ARHGEF10L: variants seen among roughly 807,000 people sequenced by gnomAD.
The protein encoded by ARHGEF10L is rho guanine nucleotide exchange factor 10-like protein.
In ARHGEF10L, 69 loss-of-function variants were observed where a neutral mutation model predicts 141.2. The observed-to-expected ratio is 0.49, with a 90% CI of 0.40 to 0.60. The LOEUF is 0.60. Among genes scored for constraint, ARHGEF10L ranks in the 20% least tolerant of loss-of-function variants. The pLI is 0.00. For missense variants in ARHGEF10L, 1,482 were observed against 1,734.3 expected (o/e 0.85, Z 2.58); for synonymous variants, 711 against 718.5 (o/e 0.99, Z 0.17).
At chr1:17,611,281 A>G (rs1013696139) in intron 7 of ARHGEF10L, among the ~76,000 whole-genome samples, 21 of 152,296 alleles carry the variant, frequency 1.4e-4, no homozygotes, top group African/African-American at 5.1e-4. Flanking sequence ...CAAACTCCTC[A>G]GTTTTTTGGG....
chr1:17,673,823 G>A lies in ARHGEF10L; in HGVS notation c.3009+9228G>A, dbSNP rs551736256. On this transcript the variant is annotated intron_variant, in intron 26 of 28. Transcript: ENST00000361221. This position sits in a 1 kb window ranked among gnomAD's most constrained non-coding sequence, Gnocchi z 4.1. ...ACCTGCCCCAGGACTAAGCAGCTCC[G>A]TGTACATGCAGGTCCCAGGGCTGTG... Among the ~76,000 whole-genome samples, 64 of 152,306 alleles carry A rather than the reference G, an allele frequency of 4.2e-4. No individual in the cohort carries two copies. Among genetic ancestry groups the A allele is most frequent in the African/African-American group, 1.5e-3 (61 of 41,546 alleles).
At chr1:17,543,594 A>T (rs1021584942) in intron 1 of ARHGEF10L, among the ~76,000 whole-genome samples, 115 of 151,804 alleles carry the variant, frequency 7.6e-4, no homozygotes, top group South Asian at 1.3e-3. Flanking sequence ...AAAAAAAAAA[A>T]TTTTTTTTGA....
At position 17,601,049 on chromosome 1, in the gene ARHGEF10L, C is replaced by CAA. The variant is rs55806926; in HGVS notation, c.258-1060_258-1059dup. ...TGGGCGACAGAGCGAGGCTCTGTCT[C>CAA]AAAAAAAAAAAAAAAAAAACAAAAA... On this transcript the variant is annotated intron_variant, in intron 4 of 28. Coordinates refer to ENST00000361221, the MANE Select transcript of ARHGEF10L (RefSeq NM_018125.4). Among the ~76,000 whole-genome samples, 137 of 50,998 alleles carry CAA rather than the reference C, an allele frequency of 2.7e-3. 1 individual carries two copies. Among genetic ancestry groups the CAA allele is most frequent in the African/African-American group, 5.7e-3 (87 of 15,290 alleles). 33.5% of individuals were successfully genotyped at this position (50,998 alleles called of 152,430 possible).
chr1:17,515,115 A>G, the ARHGEF10L span, among the ~76,000 whole-genome samples: 1 of 152,150 alleles, frequency 6.6e-6, no homozygotes, highest in Middle Eastern at 3.4e-3. Context: ...ATCACATGAA[A>G]TTGGTGGTTG....
chr1:17,594,539 G>A (rs1396934102), intron 4 of ARHGEF10L, among the ~76,000 whole-genome samples: 6 of 152,070 alleles, frequency 3.9e-5, no homozygotes, highest in South Asian at 2.1e-4. Context: ...GTGCAGTGGC[G>A]TGATCTTGGC....
chr1:17,668,600 G>A (rs1396426214), intron 26 of ARHGEF10L, among the ~76,000 whole-genome samples: 3 of 152,210 alleles, frequency 2.0e-5, no homozygotes, highest in Non-Finnish European at 2.9e-5. Flanking sequence ...GCACACCTCG[G>A]GGGCATCAGG....
At chr1:17,577,640 A>G (rs1361555611) in intron 1 of ARHGEF10L, among the ~76,000 whole-genome samples, 4 of 152,344 alleles carry the variant, frequency 2.6e-5, no homozygotes, top group African/African-American at 9.6e-5. Context: ...CCGACACTTC[A>G]GAGCCCCGCA....
chr1:17,532,252 C>G, the ARHGEF10L span, among the ~76,000 whole-genome samples: 11 of 152,278 alleles, frequency 7.2e-5, no homozygotes, highest in East Asian at 1.4e-3. Context: ...AGCTGACCAG[C>G]AACTCTTATG....
At chr1:17,622,001 T>G (rs1570997936) in intron 11 of ARHGEF10L, 60 bp downstream of exon 11, 1 of 1,577,034 alleles carries the variant, frequency 6.3e-7, no homozygotes, top group Middle Eastern at 1.7e-4. Flanking sequence ...CCCTGGAGGG[T>G]AACTTTATAC....
chr1:17,603,885 AC>A lies in ARHGEF10L; in HGVS notation c.433+298del, dbSNP rs2080932936. 6.6e-6 allele frequency among the ~76,000 whole-genome samples: 1 copy of A among 152,160 alleles called. No individual in the cohort carries two copies. The highest frequency in any genetic ancestry group is 6.5e-5 in the Admixed American group (1 of 15,286). On this transcript the variant is annotated intron_variant, in intron 6 of 28. Transcript: ENST00000361221. The surrounding 1 kb of genome is among the most constrained non-coding windows in gnomAD (Gnocchi z 4.8). ...TCCTCCTTCAGGAAAATGGGGCCAT[AC>A]CCCAGGCTTTCTGGGGCTGTTGGGG...
intron 26 of ARHGEF10L, among the ~76,000 whole-genome samples, chr1:17,682,008 G>A (rs1027245933): frequency 1.1e-4 from 16 of 151,492 alleles, no homozygotes; most frequent in Non-Finnish European, 1.9e-4. Context: ...AAAATCCAGC[G>A]TGCTCTAATC....
intron 18 of ARHGEF10L, 109 bp downstream of exon 18, chr1:17,635,125 C>CT: frequency 7.4e-7 from 1 of 1,343,150 alleles, no homozygotes; most frequent in Non-Finnish European, 1.0e-6. Flanking sequence ...CCTACATAGG[C>CT]TGATGGGTGG....
intron 4 of ARHGEF10L, among the ~76,000 whole-genome samples, chr1:17,589,931 T>C (rs994090902): frequency 6.6e-6 from 1 of 151,924 alleles, no homozygotes; most frequent in African/African-American, 2.4e-5. Flanking sequence ...AGGTCCTGGC[T>C]CAGCGAGTGA....
At chr1:17,643,852 G>A (rs1181982369) in intron 21 of ARHGEF10L, among the ~76,000 whole-genome samples, 3 of 152,290 alleles carry the variant, frequency 2.0e-5, no homozygotes, top group South Asian at 4.2e-4. Context: ...GGTCACACGC[G>A]ATTTAGTACA....
chr1:17,697,218 C>T lies in ARHGEF10L; in HGVS notation c.3678C>T (p.Cys1226=), dbSNP rs756115535. 42 of 1,611,956 alleles carry T rather than the reference C, an allele frequency of 2.6e-5. No homozygotes were observed. Among genetic ancestry groups the T allele is most frequent in the Non-Finnish European group, 2.9e-5 (34 of 1,179,534 alleles). Residue 1226 remains cysteine, a synonymous_variant, in exon 29 of 29, where the codon TGC becomes TGT. Coordinates refer to ENST00000361221, the MANE Select transcript of ARHGEF10L (RefSeq NM_018125.4). This position sits in a 1 kb window ranked among gnomAD's most constrained non-coding sequence, Gnocchi z 4.8. The part of the protein sequence containing the change: ...DPDIWVRSRP[C]ARDAHRKEIC... ...ACATCTGGGTGCGCAGCCGGCCCTGCGCCCGCGACGCCCACCGCAAGGAGA... is the reference window on the plus strand; with the variant it reads ...ACATCTGGGTGCGCAGCCGGCCCTGTGCCCGCGACGCCCACCGCAAGGAGA...
At chr1:17,520,100 C>T in the ARHGEF10L span, among the ~76,000 whole-genome samples, 4 of 152,216 alleles carry the variant, frequency 2.6e-5, no homozygotes, top group African/African-American at 9.6e-5. Context: ...CTCTGGATTC[C>T]CCATCTTGGT....
intron 9 of ARHGEF10L, chr1:17,618,484 G>T (rs755760515): frequency 2.0e-6 from 3 of 1,463,498 alleles, no homozygotes; most frequent in Non-Finnish European, 2.7e-6. Context: ...GCCGTCATCC[G>T]CTGTCCCTCC....
intron 4 of ARHGEF10L, among the ~76,000 whole-genome samples, chr1:17,593,831 C>T (rs1355963639): frequency 2.0e-5 from 3 of 151,932 alleles, no homozygotes; most frequent in Admixed American, 1.3e-4. Flanking sequence ...AGGAAATTAT[C>T]GTGGGCACCA....
chr1:17,555,870 G>C (rs1178726692), intron 1 of ARHGEF10L, among the ~76,000 whole-genome samples: 1 of 152,078 alleles, frequency 6.6e-6, no homozygotes, highest in Non-Finnish European at 1.5e-5. Flanking sequence ...TCAGGCTCCT[G>C]TAATTGGAAC....
Sources: allele counts gnomAD v4.1 joint callset (sites outside exome capture counted in the v4.1 genomes callset), GRCh38; gene constraint gnomAD v4.1.1; non-coding constraint Gnocchi (gnomAD v3.1); transcripts MANE v1.5; gene names NCBI Gene and HGNC (gene_info 2026-07-23, HGNC 2026-07-21).